Variants in NTRK3 observed in about 807,000 individuals in gnomAD.
NTRK3 encodes NT-3 growth factor receptor.
NTRK3 carries 24 observed loss-of-function variants against 91.7 expected under a neutral mutation model. That is an observed-to-expected ratio of 0.26 (90% confidence interval 0.19 to 0.37). The LOEUF is 0.37. Ranked by LOEUF, NTRK3 falls within the 10% of genes least tolerant of loss-of-function variation. The pLI is 1.00. For synonymous variants in NTRK3, 483 were observed against 404.0 expected (o/e 1.20, Z -2.34); for missense variants, 880 against 1,068.9 (o/e 0.82, Z 2.46).
At chr15:88,047,560 C>G (rs973610783) in intron 13 of NTRK3, among the ~76,000 whole-genome samples, 21 of 152,292 alleles carry the variant, frequency 1.4e-4, no homozygotes, top group African/African-American at 4.8e-4. Context: ...TATTATTAAA[C>G]TAGCCAATTC....
chr15:87,973,824 CT>C (rs911753986), intron 14 of NTRK3, among the ~76,000 whole-genome samples: 8 of 152,116 alleles, frequency 5.3e-5, no homozygotes, highest in African/African-American at 1.4e-4. Flanking sequence ...AGCATCGCCC[CT>C]CTCCCCCTCC....
At chr15:88,014,509 G>A (rs2077095646) in intron 14 of NTRK3, among the ~76,000 whole-genome samples, 1 of 152,168 alleles carries the variant, frequency 6.6e-6, no homozygotes, top group Non-Finnish European at 1.5e-5. Context: ...GAGAATTAAA[G>A]AGCAGGAAAG....
At chr15:88,067,133 C>G (rs186054538) in intron 13 of NTRK3, among the ~76,000 whole-genome samples, 5 of 152,326 alleles carry the variant, frequency 3.3e-5, no homozygotes, top group Admixed American at 3.3e-4. Flanking sequence ...CTGTGTATTT[C>G]AGACCTTCCC....
At chr15:88,111,976 G>A (rs868302817) in intron 13 of NTRK3, among the ~76,000 whole-genome samples, 9 of 149,818 alleles carry the variant, frequency 6.0e-5, no homozygotes, top group Non-Finnish European at 7.4e-5. Context: ...GCACGATCTC[G>A]GCTCACTGCA....
chr15:88,159,980 A>C (rs1402572532), intron 5 of NTRK3, among the ~76,000 whole-genome samples: 2 of 149,566 alleles, frequency 1.3e-5, no homozygotes, highest in Non-Finnish European at 2.9e-5. Context: ...ACACACACAC[A>C]CACACACACA....
At chr15:87,912,929 A>T (rs5000260) in intron 17 of NTRK3, among the ~76,000 whole-genome samples, 439 of 14,828 alleles carry the variant, frequency 0.03, 3 homozygotes, top group Middle Eastern at 0.056. Context: ...AAAGTAAAAA[A>T]AAATATATAT....
At chr15:88,143,072 A>G (rs927464323) in intron 6 of NTRK3, among the ~76,000 whole-genome samples, 33 of 152,174 alleles carry the variant, frequency 2.2e-4, no homozygotes, top group African/African-American at 7.7e-4. Flanking sequence ...AAAAAAAAAA[A>G]ATTAACTGGG....
At position 87,990,592 on chromosome 15, in the gene NTRK3, A is replaced by G. The variant is rs147436182; in HGVS notation, c.1585+42265T>C. Among the ~76,000 whole-genome samples, 470 of 152,278 alleles carry G rather than the reference A, an allele frequency of 3.1e-3. 1 individual carries two copies. Among genetic ancestry groups the G allele is most frequent in the African/African-American group, 0.01 (425 of 41,556 alleles). ...ATGGTACCATCCTGACCAGAGCCCA[A>G]TTATTTGCCTTTCTATATTGGAGAA... On this transcript the variant is annotated intron_variant, in intron 14 of 18. Transcript: ENST00000394480.
intron 3 of NTRK3, among the ~76,000 whole-genome samples, chr15:88,203,038 C>T (rs777123198): frequency 3.3e-5 from 5 of 152,170 alleles, no homozygotes; most frequent in African/African-American, 1.2e-4. Flanking sequence ...CTTCTCTCTT[C>T]CTGAGAGCTT....
rs532169504 is a variant in NTRK3 at position 88,190,724 on chromosome 15, C to T, written c.249-6425G>A. Among the ~76,000 whole-genome samples the T allele has an allele frequency of 7.2e-5, 11 of 152,240 alleles. No individual in the cohort carries two copies. In the East Asian group the frequency reaches 1.4e-3, roughly 19 times the overall value. ...TGACCTGGAGATGACACGCTAGCACCGGAAGCCAGATGCCTTCAGGCCAGT... is the reference window on the plus strand; with the variant it reads ...TGACCTGGAGATGACACGCTAGCACTGGAAGCCAGATGCCTTCAGGCCAGT... On this transcript the variant is annotated intron_variant, in intron 3 of 18. Coordinates refer to ENST00000394480, the Ensembl canonical transcript of NTRK3.
In NTRK3 at chr15:88,018,460, G is replaced by GCT. The variant is rs1364911190; in HGVS notation, c.1585+14395_1585+14396dup. On this transcript the variant is annotated intron_variant, in intron 14 of 18. Coordinates refer to ENST00000394480, the Ensembl canonical transcript of NTRK3. The stretch of plus-strand genomic sequence containing the variant: ...CCTAAACTCTAGAGTTTGAATCCTG[G>GCT]CTCTACCTTTGACCAGTAAATGACC... Among the ~76,000 whole-genome samples the GCT allele has an allele frequency of 9.9e-5, 15 of 152,252 alleles. No homozygotes were observed. The East Asian group carries it at 2.3e-3, about 24-fold the overall frequency.
At chr15:88,204,866 T>C (rs895578060) in intron 3 of NTRK3, among the ~76,000 whole-genome samples, 1 of 152,188 alleles carries the variant, frequency 6.6e-6, no homozygotes, top group South Asian at 2.1e-4. Context: ...AGAGCAGGGC[T>C]ACCTGAGTGG....
intron 3 of NTRK3, among the ~76,000 whole-genome samples, chr15:88,228,751 C>T (rs996816406): frequency 2.6e-5 from 4 of 152,182 alleles, no homozygotes; most frequent in African/African-American, 9.7e-5. Flanking sequence ...TGGAGGTCTG[C>T]AAGCCAACAA....
intron 13 of NTRK3, among the ~76,000 whole-genome samples, chr15:88,122,340 T>A (rs778776907): frequency 1.3e-5 from 2 of 151,794 alleles, no homozygotes; most frequent in Non-Finnish European, 2.9e-5. Context: ...GTCTGGGAGG[T>A]GTGAGTTTAT....
intron 14 of NTRK3, among the ~76,000 whole-genome samples, chr15:87,963,944 A>G (rs952131879): frequency 6.6e-6 from 1 of 152,238 alleles, no homozygotes; most frequent in Non-Finnish European, 1.5e-5. Context: ...GTGTTTTATA[A>G]GAGCAAACTG....
intron 17 of NTRK3, among the ~76,000 whole-genome samples, chr15:87,913,641 A>G (rs888842870): frequency 6.6e-6 from 1 of 152,226 alleles, no homozygotes; most frequent in African/African-American, 2.4e-5. Flanking sequence ...TATCAAGGCA[A>G]TAAGATTTGC....
intron 17 of NTRK3, among the ~76,000 whole-genome samples, chr15:87,911,884 C>G (rs1331143117): frequency 1.3e-5 from 2 of 152,218 alleles, no homozygotes; most frequent in South Asian, 2.1e-4. Context: ...GAATACTGCC[C>G]TTAAAGAACT....
chr15:87,887,703 T>C (rs1369429), intron 17 of NTRK3, among the ~76,000 whole-genome samples: 84,294 of 152,042 alleles, frequency 0.55, 25,510 homozygotes, highest in Non-Finnish European at 0.68. Flanking sequence ...TAAAAAATTA[T>C]TGACAAATAC....
At chr15:87,880,718 T>G (rs1200685116) in intron 17 of NTRK3, among the ~76,000 whole-genome samples, 1 of 152,172 alleles carries the variant, frequency 6.6e-6, no homozygotes, top group Non-Finnish European at 1.5e-5. Flanking sequence ...GGTTTCAGAA[T>G]CTAGCACTAC....
Sources: allele counts gnomAD v4.1 joint callset (sites outside exome capture counted in the v4.1 genomes callset), GRCh38; gene constraint gnomAD v4.1.1; transcripts MANE v1.5; gene names NCBI Gene and HGNC (gene_info 2026-07-23, HGNC 2026-07-21).